Variants in FN1 observed in about 807,000 individuals in gnomAD.
FN1 encodes the protein fibronectin 1.
Under a neutral mutation model 297.3 loss-of-function variants are expected in FN1, and 106 were observed. That is an observed-to-expected ratio of 0.36 (90% CI 0.30 to 0.42). The LOEUF is 0.42. Among genes scored for constraint, FN1 ranks in the 10% least tolerant of loss-of-function variants. The pLI, the probability that FN1 is intolerant of heterozygous loss-of-function variation, is 1.00. For missense variants in FN1, 2,690 were observed against 3,124.9 expected, an observed-to-expected ratio of 0.86 and a Z score of 3.32; for synonymous variants, 1,149 against 1,152.6, an observed-to-expected ratio of 1.00 and a Z score of 0.06.
chr2:215,418,396 A>C (rs1288452351), intron 12 of FN1, among the ~76,000 whole-genome samples: 1 of 152,184 alleles, frequency 6.6e-6, no homozygotes, highest in Non-Finnish European at 1.5e-5. Flanking sequence ...ATCTTTTATC[A>C]CAGAGTTAAT....
At chr2:215,427,956 T>C (rs893639312) in intron 6 of FN1, among the ~76,000 whole-genome samples, 4 of 152,212 alleles carry the variant, frequency 2.6e-5, no homozygotes, top group Non-Finnish European at 4.4e-5. Flanking sequence ...TCTGGCTTTT[T>C]TCCCCCTAAG....
intron 42 of FN1, among the ~76,000 whole-genome samples, chr2:215,366,331 A>C (rs1286543213): frequency 6.6e-6 from 1 of 152,130 alleles, no homozygotes; most frequent in Non-Finnish European, 1.5e-5. Context: ...CCTAGATGAA[A>C]AATCACTTTT....
At chr2:215,418,993 A>G (rs543370930) in intron 12 of FN1, among the ~76,000 whole-genome samples, 32 of 152,356 alleles carry the variant, frequency 2.1e-4, no homozygotes, top group African/African-American at 6.3e-4. Flanking sequence ...ACCTAACAGA[A>G]TATTTTACAG....
At chr2:215,432,007 AT>A (rs113868976) in intron 3 of FN1, 43 bp from the exon 4 acceptor site, 35,394 of 1,146,368 alleles carry the variant, frequency 0.031, no homozygotes, top group East Asian at 0.089. Flanking sequence ...GGCAGAACAG[AT>A]TTTTTTTTTT....
chr2:215,376,612 A>G lies in FN1; in HGVS notation c.5773T>C (p.Trp1925Arg). 6.2e-7 allele frequency: 1 copy of G among 1,613,776 alleles called. No individual in the cohort carries two copies. Among genetic ancestry groups the G allele is most frequent in the Non-Finnish European group, 8.5e-7 (1 of 1,179,986 alleles). Residue 1925 changes from tryptophan to arginine, a missense_variant, in exon 36 of 46, where the codon TGG becomes CGG. Trp to Arg is a moderately radical substitution (Grantham distance 101). Transcript: ENST00000354785. ...GTGATCGTCTCAGTCTTGGTTCTCCAGCTAATGGTGATGGTGGTCTCAGTA... is the reference window on the plus strand; with the variant it reads ...GTGATCGTCTCAGTCTTGGTTCTCCGGCTAATGGTGATGGTGGTCTCAGTA... ...DATETTITISWRTKTETITGF... is the reference protein window; with the variant it reads ...DATETTITISRRTKTETITGF...
intron 44 of FN1, 154 bp downstream of exon 44, chr2:215,364,725 A>G: frequency 1.5e-6 from 1 of 677,832 alleles, no homozygotes; most frequent in East Asian, 2.7e-5. Flanking sequence ...GAGCTGCTCT[A>G]GAGCTCTATG....
rs753281522 is a variant in FN1, at chr2:215,370,263, G to A, written c.6853+31C>T. 8.1e-6 allele frequency: 13 copies of A among 1,611,794 alleles called. No individual in the cohort carries two copies. In the Admixed American group the frequency reaches 1.2e-4, roughly 14 times the overall value. On this transcript the variant is annotated intron_variant, in intron 41 of 45. Coordinates refer to ENST00000354785, the MANE Select transcript of FN1 (RefSeq NM_212482.4). ...CATCTCTGGTGTACAGCAGAGGGGA[G>A]CCTGTGTCTAAATAGTACGTGTTTA...
At chr2:215,385,571 A>G (rs1251108853) in intron 28 of FN1, among the ~76,000 whole-genome samples, 2 of 149,848 alleles carry the variant, frequency 1.3e-5, no homozygotes, top group African/African-American at 4.9e-5. Context: ...CAGGAAGAAA[A>G]AAAAAAAAAA....
In FN1 at chr2:215,360,970, T is replaced by C. The variant is rs1292895253; in HGVS notation, c.*585A>G. The C allele has an allele frequency of 6.5e-6, 1 of 154,836 alleles. No individual in the cohort carries two copies. The highest frequency in any genetic ancestry group is 2.4e-5 in the African/African-American group (1 of 41,452). The allele number at this position is 154,836 out of a possible 1,614,324, so 9.6% of individuals were successfully genotyped here. A position where few individuals can be genotyped will look rare whatever the true frequency, so the allele number is the denominator to read the frequency against. On this transcript the variant is annotated 3_prime_UTR_variant, in exon 46 of 46. Coordinates refer to ENST00000354785, the MANE Select transcript of FN1 (RefSeq NM_212482.4). ...CCACCATAATTATACCAAATTCCTC[T>C]TATCAACTGCATACTAAGTGTTTTC...
Position 215,435,788 on chromosome 2 carries a change from C to A in FN1, c.15G>T (p.Pro5=). The A allele has an allele frequency of 6.4e-7, 1 of 1,564,960 alleles. No individual in the cohort carries two copies. The highest frequency in any genetic ancestry group is 2.3e-5 in the East Asian group (1 of 42,760). ...CGGCCAGCAGCAGCAGCCCGGGCCC[C>A]GGACCCCTAAGCATGTTGAGACGGT... MLRG[P]GPGLLLLAVQ... is the part of the protein sequence containing the mutation. The change falls in exon 1 of 46, where the codon CCG becomes CCT. Residue 5 remains proline (P), a synonymous_variant. Coordinates refer to ENST00000354785, the MANE Select transcript of FN1 (RefSeq NM_212482.4).
intron 29 of FN1, chr2:215,384,482 C>T: frequency 2.2e-6 from 1 of 447,294 alleles, no homozygotes; most frequent in Non-Finnish European, 4.0e-6. Flanking sequence ...CCCAGGATTG[C>T]ATGCATTGTG....
chr2:215,419,712 T>C (rs139732326), intron 11 of FN1, among the ~76,000 whole-genome samples: 365 of 152,322 alleles, frequency 2.4e-3, no homozygotes, highest in Middle Eastern at 6.8e-3. Flanking sequence ...CCCATATTAA[T>C]ATAACTGGCT....
At position 215,392,932 on chromosome 2, in the gene FN1, C is replaced by T. The variant is rs771646682; in HGVS notation, c.4068G>A (p.Thr1356=). The T allele has an allele frequency of 7.4e-6, 12 of 1,612,354 alleles. No individual in the cohort carries two copies. The highest frequency in any genetic ancestry group is 1.0e-5 in the Non-Finnish European group (12 of 1,179,980). The change falls in exon 25 of 46, where the codon ACG becomes ACA. Residue 1356 remains threonine (T), a splice_region_variant and synonymous_variant. Transcript: ENST00000354785. ...ESAPTTLTQQ[T]AVPPPTDLRF... ...AACGCAGAAGTTTTCAAAATTCACC[C>T]GTTTGTTGTGTCAGTGTAGTAGGGG... is the stretch of plus-strand genomic sequence containing the variant.
intron 13 of FN1, among the ~76,000 whole-genome samples, chr2:215,412,144 T>A (rs1002334627): frequency 6.6e-6 from 1 of 151,888 alleles, no homozygotes; most frequent in African/African-American, 2.4e-5. Flanking sequence ...GTTCTGCAAA[T>A]GGCCAGATTA....
Position 215,367,992 on chromosome 2 carries a change from A to G in FN1, c.6889T>C (p.Cys2297Arg). ...TGGGAAACTGTGTAGGGGTCAAAGC[A>G]CGAGTCATCCGTAGGTTGGTTCAAG... ...EGLNQPTDDS[C>R]FDPYTVSHYA... The change falls in exon 42 of 46, where the codon TGC becomes CGC. Residue 2297 changes from cysteine to arginine, a missense_variant. Coordinates refer to ENST00000354785, the MANE Select transcript of FN1 (RefSeq NM_212482.4). The G allele has an allele frequency of 6.2e-7, 1 of 1,614,190 alleles. No homozygotes were observed.
intron 42 of FN1, chr2:215,365,885 A>C (rs909203050): frequency 3.1e-5 from 6 of 191,396 alleles, no homozygotes; most frequent in African/African-American, 1.5e-4. Context: ...GGCTCACTGT[A>C]ACCTCCATCT....
intron 20 of FN1, among the ~76,000 whole-genome samples, chr2:215,401,243 A>AAGGAAGGAAGGAAGGAAGG (rs1559475433): frequency 4.6e-4 from 31 of 66,866 alleles, no homozygotes; most frequent in African/African-American, 1.3e-3. Flanking sequence ...AGAAAGAAAG[A>AAGGAAGGAAGGAAGGAAGG]AAGAAAGGAA....
chr2:215,389,382 C>T (rs1032331067), intron 26 of FN1, among the ~76,000 whole-genome samples: 7 of 151,924 alleles, frequency 4.6e-5, no homozygotes, highest in African/African-American at 1.4e-4. Context: ...GGATTACAGG[C>T]GTGAGCCACT....
chr2:215,375,517 A>C, intron 37 of FN1, 112 bp downstream of exon 37: 3 of 1,264,106 alleles, frequency 2.4e-6, no homozygotes, highest in Non-Finnish European at 2.3e-6. Flanking sequence ...ACCGGAAACA[A>C]GATTCTCTGG....
Sources: gnomAD v4.1 joint callset for allele counts (sites outside exome capture counted in the v4.1 genomes callset) on GRCh38, gnomAD v4.1.1 for gene constraint, MANE v1.5 for transcripts, NCBI Gene and HGNC (gene_info 2026-07-23, HGNC 2026-07-21) for gene names.